Variants in TBC1D4 observed in about 807,000 individuals in gnomAD.
TBC1D4 encodes TBC (Tre-2, BUB2, CDC16) domain-containing protein.
TBC1D4 carries 121 observed loss-of-function variants against 142.5 expected under a neutral mutation model. The ratio of observed to expected loss-of-function variants is 0.85; its 90% CI spans 0.73 to 0.99. TBC1D4 has a LOEUF of 0.99. Among genes scored for constraint, TBC1D4 ranks in the 50% least tolerant of loss-of-function variants. TBC1D4 has a pLI of 0.00. For synonymous variants in TBC1D4, 630 were observed against 628.2 expected (o/e 1.00, Z -0.04); for missense variants, 1,475 against 1,606.6 (o/e 0.92, Z 1.40).
chr13:75,379,790 T>C (rs1883712266), intron 1 of TBC1D4, among the ~76,000 whole-genome samples: 1 of 150,752 alleles, frequency 6.6e-6, no homozygotes, highest in South Asian at 2.1e-4. Context: ...TTTTAGTTGA[T>C]AAAAATCAAC....
At chr13:75,430,508 C>T (rs966393803) in intron 1 of TBC1D4, among the ~76,000 whole-genome samples, 6 of 152,188 alleles carry the variant, frequency 3.9e-5, no homozygotes, top group African/African-American at 1.4e-4. Context: ...CAAAGGGTCA[C>T]ACTACCGGAA....
Position 75,304,898 on chromosome 13 carries a change from A to C in TBC1D4, c.2752+1415T>G, listed in dbSNP as rs111337382. Among the ~76,000 whole-genome samples, 514 of 152,326 alleles carry C rather than the reference A, an allele frequency of 3.4e-3. 5 individuals carry two copies. Among genetic ancestry groups the C allele is most frequent in the African/African-American group, 0.012 (485 of 41,578 alleles). On this transcript the variant is annotated intron_variant, in intron 15 of 20. Coordinates refer to ENST00000377636, the MANE Select transcript of TBC1D4 (RefSeq NM_014832.5). ...AAAATAGAGCACACAATACAAGGTAAGGAGAGATAACAAAATGAGATCAGA... is the reference window on the plus strand; with the variant it reads ...AAAATAGAGCACACAATACAAGGTACGGAGAGATAACAAAATGAGATCAGA...
intron 8 of TBC1D4, 83 bp from the exon 9 acceptor site, chr13:75,327,909 C>G: frequency 1.4e-6 from 2 of 1,400,168 alleles, no homozygotes; most frequent in Admixed American, 1.7e-5. Flanking sequence ...CAGGTGGTCT[C>G]TTAATGTTAG....
chr13:75,444,295 G>C (rs998257539), intron 1 of TBC1D4, among the ~76,000 whole-genome samples: 8 of 152,004 alleles, frequency 5.3e-5, no homozygotes, highest in African/African-American at 1.7e-4. Context: ...CACCATGCTC[G>C]GCTCATTGAG....
intron 1 of TBC1D4, among the ~76,000 whole-genome samples, chr13:75,424,419 T>C (rs1312066232): frequency 6.6e-6 from 1 of 152,146 alleles, no homozygotes; most frequent in Admixed American, 6.5e-5. Flanking sequence ...TTGATAATAT[T>C]GTTTAAATGT....
chr13:75,332,486 GCTGATGCTGTTT>G (rs1429970257), intron 8 of TBC1D4, among the ~76,000 whole-genome samples: 6 of 152,152 alleles, frequency 3.9e-5, no homozygotes, highest in Admixed American at 3.9e-4. Flanking sequence ...AATTCAGGTA[GCTGATGCTGTTT>G]CTGATGCTGG....
intron 4 of TBC1D4, among the ~76,000 whole-genome samples, chr13:75,351,928 C>T (rs1271296120): frequency 6.6e-6 from 1 of 152,134 alleles, no homozygotes; most frequent in Non-Finnish European, 1.5e-5. Flanking sequence ...AAGTGTTCTC[C>T]ATATTTGTTA....
In TBC1D4 at chr13:75,403,049, C is replaced by T. The variant is rs190866183; in HGVS notation, c.499-40442G>A. Reference sequence around the variant, plus strand: ...TCATGGGGAAAGAACATGCAGCCCCCGTGCTCCTGGGCCCCTCTCTCAAGA... The same window carrying T: ...TCATGGGGAAAGAACATGCAGCCCCTGTGCTCCTGGGCCCCTCTCTCAAGA... On this transcript the variant is annotated intron_variant, in intron 1 of 20. Coordinates refer to ENST00000377636, the MANE Select transcript of TBC1D4 (RefSeq NM_014832.5). 3.6e-4 allele frequency among the ~76,000 whole-genome samples: 55 copies of T among 152,316 alleles called. No individual in the cohort carries two copies. In the South Asian group the frequency reaches 4.6e-3, roughly 13 times the overall value.
At chr13:75,319,974 T>C (rs766038460) in intron 12 of TBC1D4, 40 bp downstream of exon 12, 23 of 1,605,160 alleles carry the variant, frequency 1.4e-5, no homozygotes, top group African/African-American at 1.1e-4. Context: ...GAAGAATCTG[T>C]GAATTTTTTT....
chr13:75,318,171 G>A (rs1429715408), intron 12 of TBC1D4, among the ~76,000 whole-genome samples: 1 of 152,222 alleles, frequency 6.6e-6, no homozygotes, highest in Non-Finnish European at 1.5e-5. Context: ...CTTTAAGAAG[G>A]ATGTAGTCAT....
chr13:75,413,744 AT>A (rs1885788645), intron 1 of TBC1D4, among the ~76,000 whole-genome samples: 1 of 152,148 alleles, frequency 6.6e-6, no homozygotes, highest in African/African-American at 2.4e-5. Flanking sequence ...CACTGTCAAG[AT>A]TCCAGTTATA....
chr13:75,435,407 G>A (rs1309212475), intron 1 of TBC1D4, among the ~76,000 whole-genome samples: 1 of 150,608 alleles, frequency 6.6e-6, no homozygotes, highest in Non-Finnish European at 1.5e-5. Flanking sequence ...CTTTGTAAGA[G>A]AAATATATGA....
chr13:75,362,006 C>A lies in TBC1D4; in HGVS notation c.1080+20G>T, dbSNP rs760223978. 1 of 1,613,998 alleles carries A rather than the reference C, an allele frequency of 6.2e-7. No individual in the cohort carries two copies. The highest frequency in any genetic ancestry group is 8.5e-7 in the Non-Finnish European group (1 of 1,179,938). ...TGGCACCTTTTGGGGCAAGGGCAGACAGCGTCCGATCAGGTGTACCTGGAA... is the reference window on the plus strand; with the variant it reads ...TGGCACCTTTTGGGGCAAGGGCAGAAAGCGTCCGATCAGGTGTACCTGGAA... On this transcript the variant is annotated intron_variant, in intron 2 of 20. Transcript: ENST00000377636. The surrounding 1 kb of genome is among the most constrained non-coding windows in gnomAD (Gnocchi z 4.2).
chr13:75,380,219 C>A (rs892422587), intron 1 of TBC1D4, among the ~76,000 whole-genome samples: 1 of 151,144 alleles, frequency 6.6e-6, no homozygotes, highest in Non-Finnish European at 1.5e-5. Flanking sequence ...TGCCTGTAAT[C>A]CCAGAACTTT....
chr13:75,469,367 C>T (rs1888300732), intron 1 of TBC1D4, among the ~76,000 whole-genome samples: 1 of 152,046 alleles, frequency 6.6e-6, no homozygotes, highest in African/African-American at 2.4e-5. Context: ...GATGGGAGAG[C>T]AAGCTGAGAA....
intron 1 of TBC1D4, among the ~76,000 whole-genome samples, chr13:75,456,056 C>G (rs888488591): frequency 1.3e-5 from 2 of 151,828 alleles, no homozygotes; most frequent in Admixed American, 1.3e-4. Context: ...GCCTCACACT[C>G]TTGAGCTCAA....
At chr13:75,350,297 A>G (rs531178301) in intron 4 of TBC1D4, among the ~76,000 whole-genome samples, 1 of 152,264 alleles carries the variant, frequency 6.6e-6, no homozygotes, top group South Asian at 2.1e-4. Flanking sequence ...GCCTGATTTA[A>G]GAATAAATTA....
intron 12 of TBC1D4, among the ~76,000 whole-genome samples, chr13:75,315,421 CACACATAT>C (rs72171887): frequency 7.5e-4 from 27 of 35,862 alleles, no homozygotes; most frequent in Non-Finnish European, 1.8e-3. Flanking sequence ...TATATATACA[CACACATAT>C]ATATATATAT....
At chr13:75,340,414 G>C (rs1430501065) in intron 7 of TBC1D4, among the ~76,000 whole-genome samples, 1 of 152,136 alleles carries the variant, frequency 6.6e-6, no homozygotes, top group East Asian at 1.9e-4. Flanking sequence ...TGCAGCTAGG[G>C]TACCATTTAC....
Sources: gnomAD v4.1 joint callset for allele counts (sites outside exome capture counted in the v4.1 genomes callset) on GRCh38, gnomAD v4.1.1 for gene constraint, Gnocchi (gnomAD v3.1) non-coding constraint, MANE v1.5 for transcripts, NCBI Gene and HGNC (gene_info 2026-07-23, HGNC 2026-07-21) for gene names.